PLPPR5: variants seen among roughly 807,000 people sequenced by gnomAD.
PLPPR5 encodes the protein phospholipid phosphatase related 5, also known as phospholipid phosphatase-related protein type 5.
PLPPR5 carries 16 observed loss-of-function variants against 33.9 expected under a neutral mutation model. The observed-to-expected ratio is 0.47, with a 90% CI of 0.32 to 0.72. The LOEUF (loss-of-function observed/expected upper bound fraction) is 0.72, where lower values mean the gene tolerates loss of function less well. Among genes scored for constraint, PLPPR5 ranks in the 30% least tolerant of loss-of-function variants. The pLI, the probability that PLPPR5 is intolerant of heterozygous loss-of-function variation, is 0.03. For synonymous variants in PLPPR5, 163 were observed against 150.3 expected (o/e 1.08, Z -0.62); for missense variants, 301 against 406.7 (o/e 0.74, Z 2.23).
chr1:98,996,539 T>C (rs935758464), intron 1 of PLPPR5, among the ~76,000 whole-genome samples: 1 of 152,082 alleles, frequency 6.6e-6, no homozygotes, highest in African/African-American at 2.4e-5. Flanking sequence ...GTACTGAATA[T>C]AGAACTCCAC....
intron 5 of PLPPR5, among the ~76,000 whole-genome samples, chr1:98,894,151 A>G (rs1358392301): frequency 6.6e-6 from 1 of 152,066 alleles, no homozygotes; most frequent in Non-Finnish European, 1.5e-5. Context: ...CCCACTTAAT[A>G]CTAGAAAAAA....
chr1:98,978,216 A>G (rs1354547107), intron 1 of PLPPR5, among the ~76,000 whole-genome samples: 1 of 152,020 alleles, frequency 6.6e-6, no homozygotes, highest in East Asian at 1.9e-4. Context: ...TGATTGCTAA[A>G]GAAGGAAAGA....
At chr1:98,974,443 A>G (rs1291504966) in intron 1 of PLPPR5, among the ~76,000 whole-genome samples, 1 of 152,140 alleles carries the variant, frequency 6.6e-6, no homozygotes, top group African/African-American at 2.4e-5. Flanking sequence ...ATCTGACATT[A>G]TATGACCTGG....
At position 98,890,995 on chromosome 1, in the gene PLPPR5, T is replaced by C. The variant is rs1389492385; in HGVS notation, c.*2077A>G. 2 of 152,162 alleles carry C rather than the reference T, an allele frequency of 1.3e-5. No individual in the cohort carries two copies. Among genetic ancestry groups the C allele is most frequent in the Non-Finnish European group, 2.9e-5 (2 of 68,028 alleles). The allele number at this position is 152,162 out of a possible 1,614,324, so 9.4% of individuals were successfully genotyped here. A position where few individuals can be genotyped will look rare whatever the true frequency, so the allele number is the denominator to read the frequency against. On this transcript the variant is annotated 3_prime_UTR_variant, in exon 6 of 6. Transcript: ENST00000263177. ...CCTGCTTGGCTGCTTGGAAGTCTGA[T>C]GTAGAATCAATAGAACTGATAGAAG...
intron 4 of PLPPR5, among the ~76,000 whole-genome samples, chr1:98,916,953 G>A (rs1308808692): frequency 3.3e-5 from 5 of 152,082 alleles, no homozygotes; most frequent in African/African-American, 9.7e-5. Flanking sequence ...ACAGTTCTCC[G>A]AGTCTCAGTT....
chr1:98,904,183 G>A (rs1648807154), intron 5 of PLPPR5, among the ~76,000 whole-genome samples: 1 of 151,690 alleles, frequency 6.6e-6, no homozygotes, highest in Non-Finnish European at 1.5e-5. Flanking sequence ...AGCTTCATTG[G>A]GTAGTATAGG....
intron 5 of PLPPR5, among the ~76,000 whole-genome samples, chr1:98,895,453 G>C (rs933931952): frequency 6.6e-6 from 1 of 151,870 alleles, no homozygotes; most frequent in Non-Finnish European, 1.5e-5. Flanking sequence ...TTAATAATGA[G>C]GCATGGATGT....
chr1:98,912,525 G>A (rs1649192256), intron 5 of PLPPR5, among the ~76,000 whole-genome samples: 1 of 152,140 alleles, frequency 6.6e-6, no homozygotes, highest in African/African-American at 2.4e-5. Context: ...TCCAGGGCAA[G>A]AGTCTTCAAA....
At chr1:99,001,515 CATTATATA>C (rs1255921138) in intron 1 of PLPPR5, among the ~76,000 whole-genome samples, 1 of 151,438 alleles carries the variant, frequency 6.6e-6, no homozygotes, top group Non-Finnish European at 1.5e-5. Flanking sequence ...CCCTAGTCAG[CATTATATA>C]AAAGTGATAA....
At chr1:98,985,092 C>G in intron 1 of PLPPR5, among the ~76,000 whole-genome samples, 1 of 152,042 alleles carries the variant, frequency 6.6e-6, no homozygotes, top group East Asian at 1.9e-4. Flanking sequence ...GGCTTCCTAC[C>G]TACACCTTTT....
intron 3 of PLPPR5, among the ~76,000 whole-genome samples, chr1:98,945,686 T>C (rs1650523397): frequency 6.6e-6 from 1 of 152,182 alleles, no homozygotes; most frequent in Non-Finnish European, 1.5e-5. Context: ...ATTAGCCATA[T>C]AAAGAGGTAA....
intron 3 of PLPPR5, among the ~76,000 whole-genome samples, chr1:98,927,030 C>G (rs980764668): frequency 6.6e-6 from 1 of 152,162 alleles, no homozygotes; most frequent in African/African-American, 2.4e-5. Flanking sequence ...CTTTGCCAGA[C>G]AGACCTGTGT....
At chr1:98,935,128 A>G (rs1650130415) in intron 3 of PLPPR5, among the ~76,000 whole-genome samples, 1 of 152,130 alleles carries the variant, frequency 6.6e-6, no homozygotes, top group South Asian at 2.1e-4. Context: ...GCAAAATGAA[A>G]ATGAATGACA....
At chr1:98,918,391 T>C (rs1016481393) in intron 4 of PLPPR5, among the ~76,000 whole-genome samples, 21 of 152,212 alleles carry the variant, frequency 1.4e-4, no homozygotes, top group South Asian at 2.1e-4. Context: ...TATGATAACA[T>C]GACAAACTAT....
intron 5 of PLPPR5, among the ~76,000 whole-genome samples, chr1:98,907,762 G>T (rs1483052842): frequency 2.6e-5 from 4 of 152,162 alleles, no homozygotes; most frequent in Non-Finnish European, 4.4e-5. Context: ...AGTCTGAATG[G>T]ATTGTGAGAA....
At chr1:98,951,762 A>G (rs1278614993) in intron 3 of PLPPR5, among the ~76,000 whole-genome samples, 7 of 152,204 alleles carry the variant, frequency 4.6e-5, no homozygotes, top group Non-Finnish European at 4.4e-5. Context: ...CTGCTTTTAG[A>G]AATAACATGA....
chr1:98,940,459 GA>G (rs1650331559), intron 3 of PLPPR5, among the ~76,000 whole-genome samples: 1 of 151,896 alleles, frequency 6.6e-6, no homozygotes, highest in Admixed American at 6.6e-5. Context: ...ATCAAGGGAG[GA>G]AAAAATTTAG....
intron 3 of PLPPR5, among the ~76,000 whole-genome samples, chr1:98,937,186 C>T (rs752414722): frequency 6.6e-6 from 1 of 152,096 alleles, no homozygotes; most frequent in Non-Finnish European, 1.5e-5. Context: ...GTAAAACCTA[C>T]TAAATGTCTA....
At position 98,996,280 on chromosome 1, in the gene PLPPR5, C is replaced by T. The variant is rs10465762; in HGVS notation, c.237+8155G>A. ...TATTATACACACACATACACTACCC[C>T]CACCCACACATACATACACATGCTT... On this transcript the variant is annotated intron_variant, in intron 1 of 5. Coordinates refer to ENST00000263177, the MANE Select transcript of PLPPR5 (RefSeq NM_001037317.2). 2.5e-3 allele frequency among the ~76,000 whole-genome samples: 383 copies of T among 152,012 alleles called. 1 individual carries two copies. Among genetic ancestry groups the T allele is most frequent in the African/African-American group, 8.8e-3 (365 of 41,492 alleles).
Sources: allele counts gnomAD v4.1 joint callset (sites outside exome capture counted in the v4.1 genomes callset), GRCh38; gene constraint gnomAD v4.1.1; transcripts MANE v1.5; gene names NCBI Gene and HGNC (gene_info 2026-07-23, HGNC 2026-07-21).